LRP1B: variants seen among roughly 807,000 people sequenced by gnomAD.
The protein encoded by LRP1B is low-density lipoprotein receptor-related protein 1B.
LRP1B carries 217 observed loss-of-function variants against 556.6 expected under a neutral mutation model. That is an observed-to-expected ratio of 0.39 (90% confidence interval 0.35 to 0.44). The LOEUF is 0.44. Ranked by LOEUF, LRP1B falls within the 20% of genes least tolerant of loss-of-function variation. The pLI, the probability that LRP1B is intolerant of heterozygous loss-of-function variation, is 1.00. For missense variants in LRP1B, 5,053 were observed against 5,620.8 expected (o/e 0.90, Z 3.23); for synonymous variants, 2,047 against 1,865.8 (o/e 1.10, Z -2.50).
chr2:140,352,537 A>C (rs145639571), intron 76 of LRP1B, among the ~76,000 whole-genome samples: 2 of 152,032 alleles, frequency 1.3e-5, no homozygotes, highest in African/African-American at 4.8e-5. Flanking sequence ...TGAAAGCAAG[A>C]TCTTGTTTTA....
At chr2:141,520,062 A>T (rs1030984668) in intron 2 of LRP1B, among the ~76,000 whole-genome samples, 1 of 152,170 alleles carries the variant, frequency 6.6e-6, no homozygotes, top group African/African-American at 2.4e-5. Context: ...TACAGCTGCC[A>T]TTTTGGGCTG....
intron 2 of LRP1B, among the ~76,000 whole-genome samples, chr2:141,672,156 T>C (rs1488713023): frequency 6.6e-6 from 1 of 152,044 alleles, no homozygotes; most frequent in Non-Finnish European, 1.5e-5. Context: ...AACTCCCAAT[T>C]TTCAAGGTTC....
chr2:140,795,519 T>C (rs141104047), intron 32 of LRP1B, among the ~76,000 whole-genome samples: 82 of 152,288 alleles, frequency 5.4e-4, no homozygotes, highest in African/African-American at 1.9e-3. Flanking sequence ...AGATGTCTAT[T>C]TCAAAGTTGT....
intron 32 of LRP1B, among the ~76,000 whole-genome samples, chr2:140,807,958 G>A (rs905060353): frequency 6.6e-6 from 1 of 152,138 alleles, no homozygotes; most frequent in Admixed American, 6.5e-5. Flanking sequence ...CGGGTGTAAT[G>A]GCGCATGCCT....
intron 2 of LRP1B, among the ~76,000 whole-genome samples, chr2:141,687,679 A>G (rs1000087860): frequency 1.3e-5 from 2 of 151,804 alleles, no homozygotes; most frequent in African/African-American, 2.4e-5. Flanking sequence ...ATATAATTTC[A>G]TTTTTACCCT....
At chr2:141,501,367 A>C (rs1224069197) in intron 2 of LRP1B, among the ~76,000 whole-genome samples, 1 of 152,158 alleles carries the variant, frequency 6.6e-6, no homozygotes, top group Non-Finnish European at 1.5e-5. Context: ...ATTAAAGTTC[A>C]AAAACATCTT....
chr2:140,872,923 G>A (rs1327116881), intron 25 of LRP1B, among the ~76,000 whole-genome samples: 4 of 151,934 alleles, frequency 2.6e-5, no homozygotes, highest in Non-Finnish European at 4.4e-5. Context: ...ATGTATTTAT[G>A]TGCATGTACA....
intron 2 of LRP1B, among the ~76,000 whole-genome samples, chr2:141,597,030 CACAA>C (rs1559165500): frequency 6.7e-6 from 1 of 148,634 alleles, no homozygotes; most frequent in Non-Finnish European, 1.5e-5. Flanking sequence ...TACATACACG[CACAA>C]ACACATAAGT....
rs968414114 is a variant in LRP1B, at chr2:140,492,771, G to A, written c.9035-78C>T. The A allele has an allele frequency of 1.3e-5, 13 of 1,020,688 alleles. No homozygotes were observed. In the African/African-American group the frequency reaches 1.6e-4, roughly 12 times the overall value. 63.2% of individuals were successfully genotyped at this position (1,020,688 alleles called of 1,614,324 possible). ...CTTTGCATAATTTCAGTTTAGTTTA[G>A]CAGCAATGTGATTTCAAATGCAGTG... On this transcript the variant is annotated intron_variant, in intron 56 of 90. Transcript: ENST00000389484.
At chr2:141,719,583 A>C (rs1692741829) in intron 2 of LRP1B, among the ~76,000 whole-genome samples, 1 of 152,046 alleles carries the variant, frequency 6.6e-6, no homozygotes, top group Non-Finnish European at 1.5e-5. Flanking sequence ...ATGATTTTGG[A>C]GGGGAGGAGA....
At chr2:140,260,089 T>A in intron 86 of LRP1B, among the ~76,000 whole-genome samples, 1 of 152,000 alleles carries the variant, frequency 6.6e-6, no homozygotes. Context: ...TTGTTTCGAA[T>A]GAAGAAGTAA....
chr2:141,291,637 A>T (rs1440739124), intron 3 of LRP1B, among the ~76,000 whole-genome samples: 1 of 152,050 alleles, frequency 6.6e-6, no homozygotes, highest in Non-Finnish European at 1.5e-5. Context: ...CAGGCGGATC[A>T]CGAGGTCAGG....
intron 11 of LRP1B, among the ~76,000 whole-genome samples, chr2:141,027,913 C>T (rs1698259772): frequency 6.6e-6 from 1 of 152,070 alleles, no homozygotes; most frequent in Admixed American, 6.6e-5. Context: ...AGGTCCCTCA[C>T]CAGAACCTGA....
intron 3 of LRP1B, among the ~76,000 whole-genome samples, chr2:141,361,676 A>G (rs950336567): frequency 1.3e-5 from 2 of 152,044 alleles, no homozygotes; most frequent in African/African-American, 2.4e-5. Flanking sequence ...GTAGGTGGGG[A>G]GTCTTTCCTC....
intron 84 of LRP1B, among the ~76,000 whole-genome samples, chr2:140,293,408 C>G (rs1232059705): frequency 6.6e-6 from 1 of 152,260 alleles, no homozygotes; most frequent in East Asian, 1.9e-4. Context: ...CTTGATTTTA[C>G]TTTTACCATT....
chr2:141,145,549 T>TG (rs1553466482), intron 7 of LRP1B, among the ~76,000 whole-genome samples: 1 of 151,704 alleles, frequency 6.6e-6, no homozygotes, highest in Non-Finnish European at 1.5e-5. Flanking sequence ...TTTTTTTTTT[T>TG]AGAGACAGAG....
intron 1 of LRP1B, among the ~76,000 whole-genome samples, chr2:141,934,846 A>G (rs1367332545): frequency 1.3e-5 from 2 of 152,204 alleles, no homozygotes; most frequent in Admixed American, 1.3e-4. Flanking sequence ...TGAGTCAATT[A>G]AACTTCTTTC....
Position 140,370,673 on chromosome 2 carries a change from T to C in LRP1B, c.11008+37A>G. On this transcript the variant is annotated intron_variant, in intron 71 of 90. Transcript: ENST00000389484. ...CTGCACAGAACCTTAACTTTCATTC[T>C]CTCATTTACAGGCACACACACACAA... is the stretch of plus-strand genomic sequence containing the variant. 3 of 1,607,448 alleles carry C rather than the reference T, an allele frequency of 1.9e-6. No individual in the cohort carries two copies. In the South Asian group the frequency reaches 3.3e-5, roughly 18 times the overall value.
rs368088648 is a variant in LRP1B, at chr2:140,536,574, C to T, written c.7642+7G>A. The T allele has an allele frequency of 6.9e-6, 11 of 1,602,086 alleles. No individual in the cohort carries two copies. The African/African-American group carries it at 1.4e-4, about 20-fold the overall frequency. On this transcript the variant is annotated splice_region_variant and intron_variant, in intron 46 of 90. Transcript: ENST00000389484. ...CTGAAACGAGCAAACCCATATTGGA[C>T]ACTTACCACAGTAGAGCAGTTTTTC... is the stretch of plus-strand genomic sequence containing the variant.
Sources: allele counts gnomAD v4.1 joint callset (sites outside exome capture counted in the v4.1 genomes callset), GRCh38; gene constraint gnomAD v4.1.1; transcripts MANE v1.5; gene names NCBI Gene and HGNC (gene_info 2026-07-23, HGNC 2026-07-21).